Variants in PDE3A observed in about 807,000 individuals in gnomAD.
The protein encoded by PDE3A is phosphodiesterase 3A.
PDE3A carries 43 observed loss-of-function variants against 98.3 expected under a neutral mutation model. The ratio of observed to expected loss-of-function variants is 0.44; its 90% confidence interval spans 0.34 to 0.56. The LOEUF is 0.56. Among genes scored for constraint, PDE3A ranks in the 20% least tolerant of loss-of-function variants. The pLI, the probability that PDE3A is intolerant of heterozygous loss-of-function variation, is 0.01. For missense variants in PDE3A, 1,427 were observed against 1,440.7 expected, an observed-to-expected ratio of 0.99 and a Z score of 0.15; for synonymous variants, 663 against 567.9, an observed-to-expected ratio of 1.17 and a Z score of -2.38.
At chr12:20,436,657 C>T (rs1384239668) in intron 1 of PDE3A, among the ~76,000 whole-genome samples, 2 of 152,158 alleles carry the variant, frequency 1.3e-5, no homozygotes, top group African/African-American at 4.8e-5. Context: ...TAAGGGCTGC[C>T]TTACTCTGCC....
chr12:20,401,764 T>C (rs1944136390), intron 1 of PDE3A, among the ~76,000 whole-genome samples: 1 of 152,152 alleles, frequency 6.6e-6, no homozygotes, highest in Non-Finnish European at 1.5e-5. Flanking sequence ...GGATTGTGAA[T>C]AGTTTTATAA....
chr12:20,654,275 C>A, intron 15 of PDE3A, 70 bp downstream of exon 15: 1 of 1,452,670 alleles, frequency 6.9e-7, no homozygotes, highest in Non-Finnish European at 9.6e-7. Flanking sequence ...GAATTTTATG[C>A]TTCTTATGAA....
chr12:20,432,659 T>C (rs1163583006), intron 1 of PDE3A, among the ~76,000 whole-genome samples: 1 of 152,192 alleles, frequency 6.6e-6, no homozygotes, highest in African/African-American at 2.4e-5. Context: ...ATTATTTTTC[T>C]CTTCTTTCCT....
chr12:20,602,417 G>A (rs1460530874), intron 2 of PDE3A, among the ~76,000 whole-genome samples: 1 of 152,178 alleles, frequency 6.6e-6, no homozygotes, highest in Non-Finnish European at 1.5e-5. Context: ...CTAGTGTCTG[G>A]AAAGTAGTTA....
At chr12:20,581,651 C>T (rs1168555477) in intron 2 of PDE3A, among the ~76,000 whole-genome samples, 1 of 143,070 alleles carries the variant, frequency 7.0e-6, no homozygotes, top group Non-Finnish European at 1.5e-5. Context: ...CTCGCTCTGT[C>T]GCCCAGGCTG....
chr12:20,551,796 C>T (rs1484502537), intron 1 of PDE3A: 1 of 1,613,876 alleles, frequency 6.2e-7, no homozygotes, highest in African/African-American at 1.3e-5. Context: ...TGGCCTCGGC[C>T]ACATCGTCCT....
intron 1 of PDE3A, among the ~76,000 whole-genome samples, chr12:20,403,557 T>C (rs983201929): frequency 2.0e-5 from 3 of 152,148 alleles, no homozygotes; most frequent in Non-Finnish European, 2.9e-5. Context: ...CTTTTCTCCA[T>C]TACAATAAAA....
chr12:20,564,825 C>A (rs1942614578), intron 2 of PDE3A, among the ~76,000 whole-genome samples: 1 of 152,100 alleles, frequency 6.6e-6, no homozygotes, highest in Non-Finnish European at 1.5e-5. Flanking sequence ...GAATGACCCT[C>A]TTATGTTGGG....
chr12:20,590,580 GC>G (rs1423924218), intron 2 of PDE3A, among the ~76,000 whole-genome samples: 3 of 150,852 alleles, frequency 2.0e-5, no homozygotes, highest in African/African-American at 4.9e-5. Flanking sequence ...TTTGAGACCA[GC>G]CTAGGCAATA....
At chr12:20,397,066 T>G (rs2120639644) in intron 1 of PDE3A, among the ~76,000 whole-genome samples, 1 of 152,218 alleles carries the variant, frequency 6.6e-6, no homozygotes, top group Admixed American at 6.5e-5. Flanking sequence ...TGACTGAGAT[T>G]ATAAAGATGC....
intron 3 of PDE3A, 75 bp downstream of exon 3, chr12:20,613,775 C>T: frequency 9.0e-7 from 1 of 1,114,832 alleles, no homozygotes; most frequent in Non-Finnish European, 1.3e-6. Flanking sequence ...CTTCCTGTCA[C>T]CTCAACTCCA....
chr12:20,384,775 T>C (rs756566350), intron 1 of PDE3A, among the ~76,000 whole-genome samples: 1 of 152,046 alleles, frequency 6.6e-6, no homozygotes, highest in Non-Finnish European at 1.5e-5. Context: ...AGTGAAAACA[T>C]GTGGTGTTTG....
chr12:20,601,573 G>A (rs1943592550), intron 2 of PDE3A, among the ~76,000 whole-genome samples: 1 of 152,110 alleles, frequency 6.6e-6, no homozygotes, highest in South Asian at 2.1e-4. Context: ...TAATCAAATT[G>A]TGCATGGGAA....
chr12:20,492,309 C>T (rs768188152), intron 1 of PDE3A, among the ~76,000 whole-genome samples: 1 of 152,026 alleles, frequency 6.6e-6, no homozygotes, highest in Non-Finnish European at 1.5e-5. Context: ...ACTAAAATGA[C>T]ACATAGACCA....
intron 15 of PDE3A, among the ~76,000 whole-genome samples, chr12:20,654,943 A>G (rs929416875): frequency 6.6e-6 from 1 of 152,056 alleles, no homozygotes; most frequent in Non-Finnish European, 1.5e-5. Flanking sequence ...TTGTTCATTC[A>G]ACAGACATTT....
chr12:20,526,991 T>C (rs1415669573), intron 1 of PDE3A, among the ~76,000 whole-genome samples: 3 of 151,358 alleles, frequency 2.0e-5, no homozygotes, highest in Non-Finnish European at 2.9e-5. Flanking sequence ...CGATCTCGGC[T>C]CACTGCAACC....
At chr12:20,556,316 AG>A (rs1177504774) in intron 1 of PDE3A, among the ~76,000 whole-genome samples, 1 of 152,130 alleles carries the variant, frequency 6.6e-6, no homozygotes, top group East Asian at 1.9e-4. Flanking sequence ...TAACTGCAGT[AG>A]TCATTTACCC....
intron 1 of PDE3A, among the ~76,000 whole-genome samples, chr12:20,414,876 A>G (rs1450059979): frequency 6.6e-6 from 1 of 152,140 alleles, no homozygotes; most frequent in Non-Finnish European, 1.5e-5. Flanking sequence ...CAAAAGTTTG[A>G]TGTTTAAAAA....
At chr12:20,674,686 G>T (rs1945586937) in intron 15 of PDE3A, among the ~76,000 whole-genome samples, 3 of 152,048 alleles carry the variant, frequency 2.0e-5, no homozygotes, top group African/African-American at 7.2e-5. Context: ...CTTGGTATAT[G>T]TGTCCAGGAA....
Sources: gnomAD v4.1 joint callset for allele counts (sites outside exome capture counted in the v4.1 genomes callset) on GRCh38, gnomAD v4.1.1 for gene constraint, MANE v1.5 for transcripts, NCBI Gene and HGNC (gene_info 2026-07-23, HGNC 2026-07-21) for gene names.